FMN2: variants seen among roughly 807,000 people sequenced by gnomAD.
The protein encoded by FMN2 is formin-2.
FMN2 carries 51 observed loss-of-function variants against 142.3 expected under a neutral mutation model. That is an observed-to-expected ratio of 0.36 (90% CI 0.29 to 0.45). FMN2 has a LOEUF of 0.45. Among genes scored for constraint, FMN2 ranks in the 20% least tolerant of loss-of-function variants. The probability of loss-of-function intolerance (pLI) is 1.00; values close to 1 mark genes in which losing one functional copy is unlikely to be tolerated. For missense variants in FMN2, 1,936 were observed against 2,122.8 expected (o/e 0.91, Z 1.73); for synonymous variants, 882 against 869.8 (o/e 1.01, Z -0.25).
intron 2 of FMN2, among the ~76,000 whole-genome samples, chr1:240,156,620 G>T (rs1021769798): frequency 2.0e-5 from 3 of 152,194 alleles, no homozygotes; most frequent in Non-Finnish European, 4.4e-5. Flanking sequence ...AGCTGAGTTA[G>T]AGCAGGCTAA....
intron 10 of FMN2, among the ~76,000 whole-genome samples, chr1:240,329,821 C>G (rs1365226789): frequency 6.7e-6 from 1 of 150,034 alleles, no homozygotes; most frequent in Non-Finnish European, 1.5e-5. Context: ...TACTTTCTTT[C>G]GTTATCTGGA....
Position 240,153,199 on chromosome 1 carries a change from C to T in FMN2, c.1783-24722C>T, listed in dbSNP as rs543440118. Among the ~76,000 whole-genome samples the T allele has an allele frequency of 2.0e-4, 31 of 152,076 alleles. No homozygotes were observed. In the South Asian group the frequency reaches 6.4e-3, roughly 32 times the overall value. On this transcript the variant is annotated intron_variant, in intron 2 of 17. Transcript: ENST00000319653. ...GATGGAGGGTTAGTGATATTTACAA[C>T]GTGGGCTGTAAAGGGGCTATGGCAA...
In FMN2 at chr1:240,249,759, C is replaced by T. The variant is rs933378498; in HGVS notation, c.4066-8186C>T. On this transcript the variant is annotated intron_variant, in intron 6 of 17. Transcript: ENST00000319653. ...GCATGGAATGTCTATTCGTTTCTGT[C>T]CTCTTCAATTTCTTTCATCAATGTG... Among the ~76,000 whole-genome samples the T allele has an allele frequency of 2.0e-5, 3 of 151,976 alleles. No individual in the cohort carries two copies. In the South Asian group the frequency reaches 6.2e-4, roughly 32 times the overall value.
rs1482438292 is a variant in FMN2 at position 240,194,168 on chromosome 1, G to T, written c.1986+5906G>T. On this transcript the variant is annotated intron_variant, in intron 4 of 17. Transcript: ENST00000319653. Reference sequence around the variant, plus strand: ...TACTTCTATTTTTTAATCTAAATTTGTCTAAACTTGATTTTGTTCTAGACA... The same window carrying T: ...TACTTCTATTTTTTAATCTAAATTTTTCTAAACTTGATTTTGTTCTAGACA... Among the ~76,000 whole-genome samples the T allele has an allele frequency of 2.0e-5, 3 of 151,140 alleles. No homozygotes were observed. In the East Asian group the frequency reaches 5.9e-4, roughly 30 times the overall value.
At chr1:240,250,786 T>C (rs572531630) in intron 6 of FMN2, among the ~76,000 whole-genome samples, 17 of 152,208 alleles carry the variant, frequency 1.1e-4, no homozygotes, top group African/African-American at 4.1e-4. Context: ...TCTGTTCAGG[T>C]TTGCTATTTC....
At chr1:240,179,059 C>T (rs1208041957) in intron 3 of FMN2, among the ~76,000 whole-genome samples, 1 of 152,162 alleles carries the variant, frequency 6.6e-6, no homozygotes, top group Non-Finnish European at 1.5e-5. Flanking sequence ...TTCCTAACAA[C>T]TGTATTCAGT....
At chr1:240,395,011 G>A (rs552654727) in intron 15 of FMN2, among the ~76,000 whole-genome samples, 1 of 152,234 alleles carries the variant, frequency 6.6e-6, no homozygotes, top group Non-Finnish European at 1.5e-5. Flanking sequence ...TGAAGCTTCA[G>A]AAAACAGGAT....
chr1:240,145,476 G>T, intron 2 of FMN2: 1 of 254,794 alleles, frequency 3.9e-6, no homozygotes. Context: ...TATTGTATTT[G>T]ACATGCACTT....
At chr1:240,241,244 A>ATTTT (rs75842695) in intron 6 of FMN2, among the ~76,000 whole-genome samples, 7 of 136,590 alleles carry the variant, frequency 5.1e-5, no homozygotes, top group African/African-American at 1.9e-4. Flanking sequence ...TTTTAATTGT[A>ATTTT]TTTTTTTTTT....
intron 2 of FMN2, chr1:240,144,165 T>C: frequency 7.1e-7 from 1 of 1,412,466 alleles, no homozygotes; most frequent in Non-Finnish European, 1.0e-6. Context: ...CAACATTCCG[T>C]GGTCCTTGTT....
At chr1:240,470,430 AT>A (rs1283180252) in intron 16 of FMN2, among the ~76,000 whole-genome samples, 1 of 152,168 alleles carries the variant, frequency 6.6e-6, no homozygotes, top group Non-Finnish European at 1.5e-5. Flanking sequence ...AGTTGTCATC[AT>A]TTTCTGGAAT....
At chr1:240,267,558 G>A (rs920990216) in intron 7 of FMN2, among the ~76,000 whole-genome samples, 1 of 150,586 alleles carries the variant, frequency 6.6e-6, no homozygotes, top group Non-Finnish European at 1.5e-5. Context: ...CCTGGGTGAT[G>A]AAATAATCTG....
At chr1:240,312,865 ACACACTTTACCTC>A (rs1670643237) in intron 8 of FMN2, among the ~76,000 whole-genome samples, 1 of 152,188 alleles carries the variant, frequency 6.6e-6, no homozygotes, top group Admixed American at 6.5e-5. Flanking sequence ...TCGCTGCCCT[ACACACTTTACCTC>A]CACACTTATC....
chr1:240,180,969 C>T (rs1665126886), intron 3 of FMN2, among the ~76,000 whole-genome samples: 1 of 151,098 alleles, frequency 6.6e-6, no homozygotes, highest in Admixed American at 6.6e-5. Context: ...TTTTTTTTTC[C>T]TGCGTGCTTC....
intron 7 of FMN2, among the ~76,000 whole-genome samples, chr1:240,277,525 C>CT (rs34678861): frequency 0.024 from 1,573 of 66,018 alleles, 80 homozygotes; most frequent in African/African-American, 0.045. Context: ...GCATCTTCTT[C>CT]TTTTTTTTTT....
intron 2 of FMN2, among the ~76,000 whole-genome samples, chr1:240,173,752 A>G (rs1431514206): frequency 2.0e-5 from 3 of 152,136 alleles, no homozygotes; most frequent in Non-Finnish European, 2.9e-5. Context: ...GGAGGCTTTG[A>G]GATTACTGTT....
At chr1:240,305,365 A>G (rs1404043274) in intron 8 of FMN2, among the ~76,000 whole-genome samples, 1 of 152,206 alleles carries the variant, frequency 6.6e-6, no homozygotes, top group Non-Finnish European at 1.5e-5. Context: ...AAACTCATTC[A>G]TTTTTGAAAG....
intron 14 of FMN2, among the ~76,000 whole-genome samples, chr1:240,374,144 T>G (rs540236620): frequency 6.6e-6 from 1 of 152,190 alleles, no homozygotes; most frequent in Non-Finnish European, 1.5e-5. Flanking sequence ...GCAGTGGGCC[T>G]AAAACACTCA....
intron 11 of FMN2, among the ~76,000 whole-genome samples, chr1:240,331,188 T>A (rs1671369482): frequency 6.6e-6 from 1 of 152,144 alleles, no homozygotes; most frequent in Admixed American, 6.6e-5. Flanking sequence ...AATAACACAA[T>A]GATGAGTAAA....
Sources: gnomAD v4.1 joint callset for allele counts (sites outside exome capture counted in the v4.1 genomes callset) on GRCh38, gnomAD v4.1.1 for gene constraint, MANE v1.5 for transcripts, NCBI Gene and HGNC (gene_info 2026-07-23, HGNC 2026-07-21) for gene names.